The following ENTPD6 variants were observed in gnomAD, a reference collection of about 807,000 sequenced individuals.
ENTPD6 encodes CD39 antigen-like 2.
Under a neutral mutation model 61.5 loss-of-function variants are expected in ENTPD6, and 46 were observed. The observed-to-expected ratio is 0.75, with a 90% CI of 0.59 to 0.96. The LOEUF is 0.96. Among genes scored for constraint, ENTPD6 ranks in the 40% least tolerant of loss-of-function variants. ENTPD6 has a pLI of 0.00. For missense variants in ENTPD6, 612 were observed against 629.0 expected (o/e 0.97, Z 0.29); for synonymous variants, 252 against 255.5 (o/e 0.99, Z 0.13).
At position 25,214,949 on chromosome 20, in the gene ENTPD6, G is replaced by A; in HGVS notation, c.673+7G>A. 6.3e-7 allele frequency: 1 copy of A among 1,598,188 alleles called. No individual in the cohort carries two copies. The highest frequency in any genetic ancestry group is 8.6e-7 in the Non-Finnish European group (1 of 1,165,506). On this transcript the variant is annotated splice_region_variant and intron_variant, in intron 6 of 14. Transcript: ENST00000376652. ...ATGAACGGAACAGATGAAGGTAAATGGCTGGAAGCACCTCTGTACAGTGGG... is the reference window on the plus strand; with the variant it reads ...ATGAACGGAACAGATGAAGGTAAATAGCTGGAAGCACCTCTGTACAGTGGG...
intron 3 of ENTPD6, among the ~76,000 whole-genome samples, 162 bp from the exon 4 acceptor site, chr20:25,209,687 A>G (rs1353264804): frequency 6.6e-6 from 1 of 152,220 alleles, no homozygotes; most frequent in Non-Finnish European, 1.5e-5. Context: ...GTTCTGATGA[A>G]CAAAGAGTCA....
At chr20:25,202,012 A>G (rs6138536) in intron 1 of ENTPD6, among the ~76,000 whole-genome samples, 59,871 of 152,120 alleles carry the variant, frequency 0.39, 13,527 homozygotes, top group East Asian at 0.92. Flanking sequence ...AGCCTTACTG[A>G]TAACATAAAT....
intron 12 of ENTPD6, 150 bp from the exon 13 acceptor site, chr20:25,223,951 G>GT: frequency 1.6e-6 from 1 of 632,988 alleles, no homozygotes; most frequent in East Asian, 3.0e-5. Context: ...CTCAGAGCAC[G>GT]TGAGTGCCGC....
Position 25,226,994 on chromosome 20 carries a change from C to T in ENTPD6, c.*1397C>T, listed in dbSNP as rs1258189239. Among the ~76,000 whole-genome samples the T allele has an allele frequency of 6.6e-6, 1 of 152,262 alleles. No homozygotes were observed. The highest frequency in any genetic ancestry group is 2.4e-5 in the African/African-American group (1 of 41,476). The stretch of plus-strand genomic sequence containing the variant: ...AGCACGGCCAGGTGAGGCCTGGGCA[C>T]ATAACCTCGAGTGAGCTGCAAGTCC... On this transcript the variant is annotated 3_prime_UTR_variant, in exon 15 of 15. Transcript: ENST00000376652.
chr20:25,227,735 G>C lies in ENTPD6; in HGVS notation c.*2138G>C, dbSNP rs1370636778. On this transcript the variant is annotated 3_prime_UTR_variant, in exon 15 of 15. Coordinates refer to ENST00000376652, the MANE Select transcript of ENTPD6 (RefSeq NM_001247.5). ...CATTGCTGCCCACTGAGCTGCCTCA[G>C]TCCTGCAGTCCCCGTGTTTGGATGG... 6.6e-6 allele frequency among the ~76,000 whole-genome samples: 1 copy of C among 152,240 alleles called. No homozygotes were observed. The highest frequency in any genetic ancestry group is 2.1e-4 in the South Asian group (1 of 4,832).
intron 1 of ENTPD6, among the ~76,000 whole-genome samples, chr20:25,201,970 C>T (rs1236536422): frequency 7.2e-5 from 11 of 152,088 alleles, no homozygotes; most frequent in African/African-American, 1.5e-4. Flanking sequence ...CTCTCGCCTC[C>T]GCCTCCCAAA....
At chr20:25,218,164 C>G (rs548816597) in intron 9 of ENTPD6, among the ~76,000 whole-genome samples, 1 of 152,218 alleles carries the variant, frequency 6.6e-6, no homozygotes, top group Non-Finnish European at 1.5e-5. Flanking sequence ...TGTGCTTATT[C>G]TGCTCTACTT....
At chr20:25,219,388 T>G (rs565174214) in intron 10 of ENTPD6, among the ~76,000 whole-genome samples, 2 of 152,344 alleles carry the variant, frequency 1.3e-5, no homozygotes, top group East Asian at 3.9e-4. Context: ...CGCTCATGAT[T>G]CCAGCCTTGC....
At chr20:25,219,833 A>G (rs6050449) in intron 10 of ENTPD6, among the ~76,000 whole-genome samples, 4 of 152,160 alleles carry the variant, frequency 2.6e-5, no homozygotes, top group South Asian at 4.1e-4. Context: ...TCTCCTGTGC[A>G]TGCCCTACTT....
At chr20:25,213,041 C>T (rs1012398451) in intron 4 of ENTPD6, among the ~76,000 whole-genome samples, 3 of 151,986 alleles carry the variant, frequency 2.0e-5, no homozygotes, top group Non-Finnish European at 4.4e-5. Flanking sequence ...TGGTGGCTCA[C>T]GCCCTTGTCC....
At position 25,207,392 on chromosome 20, in the gene ENTPD6, C is replaced by G; in HGVS notation, c.371C>G (p.Pro124Arg). The change falls in exon 3 of 15, where the codon CCC becomes CGC. Residue 124 changes from proline (P) to arginine (R), a missense_variant. Coordinates refer to ENST00000376652, the MANE Select transcript of ENTPD6 (RefSeq NM_001247.5). ...CACGTCTTCCAGTTCACCCGGCCCC[C>G]CAGAGGTACCCGCCTCTCATGGCAG... ...RVHVFQFTRP[P>R]RETPTLTHET... The G allele has an allele frequency of 6.5e-7, 1 of 1,527,604 alleles. No homozygotes were observed. Among genetic ancestry groups the G allele is most frequent in the Non-Finnish European group, 8.8e-7 (1 of 1,134,074 alleles). The allele number at this position is 1,527,604 out of a possible 1,614,324, so 94.6% of individuals were successfully genotyped here.
intron 3 of ENTPD6, among the ~76,000 whole-genome samples, chr20:25,209,180 G>A (rs944267006): frequency 3.9e-4 from 58 of 150,544 alleles, no homozygotes; most frequent in African/African-American, 3.7e-4. Context: ...TGCAATCTCC[G>A]CTCACTGCAA....
At chr20:25,196,750 A>T (rs2090468209) in intron 1 of ENTPD6, among the ~76,000 whole-genome samples, 1 of 152,130 alleles carries the variant, frequency 6.6e-6, no homozygotes, top group Non-Finnish European at 1.5e-5. Flanking sequence ...TCTTCCTCCC[A>T]CCCGCTGTGC....
rs79611154 is a variant in ENTPD6 at position 25,205,683 on chromosome 20, C to T, written c.-15-839C>T. Among the ~76,000 whole-genome samples the T allele has an allele frequency of 8.6e-3, 1,315 of 152,330 alleles. 26 individuals carry two copies. The highest frequency in any genetic ancestry group is 0.03 in the African/African-American group (1,265 of 41,566). On this transcript the variant is annotated intron_variant, in intron 1 of 14. Transcript: ENST00000376652. The stretch of plus-strand genomic sequence containing the variant: ...TTTGCAGCCCTGCCCGTGGCAGATG[C>T]TCAGGGAAGGGTGGTTTTTCCTGTC...
intron 1 of ENTPD6, among the ~76,000 whole-genome samples, chr20:25,198,792 G>A (rs1356514798): frequency 6.6e-6 from 1 of 152,104 alleles, no homozygotes; most frequent in African/African-American, 2.4e-5. Context: ...CCAGCCCCAA[G>A]CCTGTCACCT....
chr20:25,207,385 C>A lies in ENTPD6; in HGVS notation c.364C>A (p.Arg122=). The A allele has an allele frequency of 1.3e-6, 2 of 1,533,102 alleles. No individual in the cohort carries two copies. Among genetic ancestry groups the A allele is most frequent in the Non-Finnish European group, 1.8e-6 (2 of 1,135,718 alleles). The allele number at this position is 1,533,102 out of a possible 1,614,324, so 95.0% of individuals were successfully genotyped here. The stretch of plus-strand genomic sequence containing the variant: ...CCGAGTACACGTCTTCCAGTTCACC[C>A]GGCCCCCCAGAGGTACCCGCCTCTC... The part of the protein sequence containing the change: ...GTRVHVFQFT[R]PPRETPTLTH... The change falls in exon 3 of 15, where the codon CGG becomes AGG. Residue 122 remains arginine, a synonymous_variant. Coordinates refer to ENST00000376652, the MANE Select transcript of ENTPD6 (RefSeq NM_001247.5).
At chr20:25,200,823 TTCC>T (rs1343802954) in intron 1 of ENTPD6, among the ~76,000 whole-genome samples, 3 of 148,468 alleles carry the variant, frequency 2.0e-5, no homozygotes, top group Non-Finnish European at 4.4e-5. Flanking sequence ...TTTTACTTTT[TTCC>T]TCCTCCTTTT....
Position 25,221,297 on chromosome 20 carries a change from G to A in ENTPD6, c.1009G>A (p.Ala337Thr), listed in dbSNP as rs200979523. The A allele has an allele frequency of 1.4e-5, 23 of 1,614,060 alleles. No homozygotes were observed. The highest frequency in any genetic ancestry group is 1.7e-5 in the Admixed American group (1 of 60,010). The part of the protein sequence containing the change: ...SPSFKGEWEH[A>T]EVTYRVSGQK... Reference sequence around the variant, plus strand: ...CAGTTTCAAAGGAGAGTGGGAACACGCAGAAGTCACGTACAGGGTTTCAGG... The same window carrying A: ...CAGTTTCAAAGGAGAGTGGGAACACACAGAAGTCACGTACAGGGTTTCAGG... Residue 337 changes from alanine to threonine, a missense_variant, in exon 11 of 15, where the codon GCA becomes ACA. Ala to Thr is a moderately conservative substitution (Grantham distance 58). Transcript: ENST00000376652.
chr20:25,216,603 G>C (rs576350394), intron 7 of ENTPD6, 45 bp from the exon 8 acceptor site: 10 of 1,457,906 alleles, frequency 6.9e-6, no homozygotes, highest in Non-Finnish European at 1.9e-6. Flanking sequence ...CTGTTCTCGC[G>C]ATCTTACTAA....
Sources: allele counts gnomAD v4.1 joint callset (sites outside exome capture counted in the v4.1 genomes callset), GRCh38; gene constraint gnomAD v4.1.1; transcripts MANE v1.5; gene names NCBI Gene and HGNC (gene_info 2026-07-23, HGNC 2026-07-21).